MMRN1: variants seen among roughly 807,000 people sequenced by gnomAD.
MMRN1 encodes multimerin 1.
Under a neutral mutation model 100.7 loss-of-function variants are expected in MMRN1, and 94 were observed. The observed-to-expected ratio is 0.93, with a 90% CI of 0.79 to 1.11. The LOEUF (loss-of-function observed/expected upper bound fraction) is 1.11, where lower values mean the gene tolerates loss of function less well. Ranked by LOEUF, MMRN1 falls within the 50% of genes least tolerant of loss-of-function variation. MMRN1 has a pLI of 0.00. For missense variants in MMRN1, 1,606 were observed against 1,439.1 expected (o/e 1.12, Z -1.88); for synonymous variants, 575 against 505.0 (o/e 1.14, Z -1.86).
At chr4:89,897,589 C>A (rs1484665139) in intron 1 of MMRN1, among the ~76,000 whole-genome samples, 2 of 152,042 alleles carry the variant, frequency 1.3e-5, no homozygotes, top group Non-Finnish European at 2.9e-5. Flanking sequence ...ATTTTACATA[C>A]CATATAGAAA....
In MMRN1 at chr4:89,923,171, A is replaced by G. The variant is rs1463340683; in HGVS notation, c.854A>G (p.Gln285Arg). 1 of 1,613,598 alleles carries G rather than the reference A, an allele frequency of 6.2e-7. No individual in the cohort carries two copies. Residue 285 changes from glutamine to arginine, a missense_variant, in exon 4 of 8, where the codon CAG becomes CGG. Transcript: ENST00000264790. ...TTCTCTTTCTGCTTCCTTCTAGCCC[A>G]GGAACAGCAAAGTTTGATACACACC... Reference protein sequence around the residue: ...YSGPKCQLRAQEQQSLIHTNQ... With the variant: ...YSGPKCQLRAREQQSLIHTNQ...
chr4:89,935,414 C>A lies in MMRN1; in HGVS notation c.1734C>A (p.Thr578=). ...HIQESKINNL[T]VSLEMEKESL... Reference sequence around the variant, plus strand: ...AAGAAAGCAAGATTAACAATCTCACCGTCTCTTTGGAGATGGAGAAAGAGT... The same window carrying A: ...AAGAAAGCAAGATTAACAATCTCACAGTCTCTTTGGAGATGGAGAAAGAGT... Residue 578 remains threonine (T), a synonymous_variant, in exon 6 of 8, where the codon ACC becomes ACA. Transcript: ENST00000264790. 3 of 1,613,358 alleles carry A rather than the reference C, an allele frequency of 1.9e-6. No homozygotes were observed. In the South Asian group the frequency reaches 3.3e-5, roughly 18 times the overall value.
chr4:89,950,751 GTA>G (rs1723139693), intron 6 of MMRN1, among the ~76,000 whole-genome samples: 1 of 151,934 alleles, frequency 6.6e-6, no homozygotes, highest in Admixed American at 6.6e-5. Context: ...TAGAGATGGG[GTA>G]TCACTATGCT....
rs1221439460 is a variant in MMRN1, at chr4:89,905,249, G to A, written c.624-4027G>A. ...ATTTCATAATTTTGCCATTAGTAAT[G>A]GTCAAACAGTTAAGTTTTGTTTGGT... On this transcript the variant is annotated intron_variant, in intron 1 of 7. Coordinates refer to ENST00000264790, the MANE Select transcript of MMRN1 (RefSeq NM_007351.3). 2.6e-5 allele frequency among the ~76,000 whole-genome samples: 4 copies of A among 151,120 alleles called. No individual in the cohort carries two copies. The Admixed American group carries it at 2.6e-4, about 10-fold the overall frequency.
At chr4:89,896,640 A>G (rs534601271) in intron 1 of MMRN1, among the ~76,000 whole-genome samples, 4 of 152,170 alleles carry the variant, frequency 2.6e-5, no homozygotes, top group Non-Finnish European at 5.9e-5. Context: ...ATATCTTACT[A>G]ATAATAAAAT....
intron 5 of MMRN1, among the ~76,000 whole-genome samples, chr4:89,934,576 TTAGTATGTTC>T (rs1191235421): frequency 9.2e-5 from 14 of 152,174 alleles, no homozygotes; most frequent in African/African-American, 3.4e-4. Context: ...TTTTATGGTT[TTAGTATGTTC>T]TAGTATGTTC....
At chr4:89,911,164 A>G (rs753531608) in intron 2 of MMRN1, among the ~76,000 whole-genome samples, 8 of 151,484 alleles carry the variant, frequency 5.3e-5, no homozygotes, top group Non-Finnish European at 1.2e-4. Context: ...ATAAATAGCA[A>G]CTAAATATTA....
At chr4:89,939,591 T>C (rs1456442336) in intron 6 of MMRN1, among the ~76,000 whole-genome samples, 1 of 152,126 alleles carries the variant, frequency 6.6e-6, no homozygotes, top group Non-Finnish European at 1.5e-5. Context: ...AACTAAAGTA[T>C]CCTGCCTAAG....
At chr4:89,943,157 T>C (rs1722886607) in intron 6 of MMRN1, among the ~76,000 whole-genome samples, 1 of 152,176 alleles carries the variant, frequency 6.6e-6, no homozygotes, top group South Asian at 2.1e-4. Context: ...GCACATCTGA[T>C]GTGGACGTTA....
chr4:89,953,479 T>G lies in MMRN1; in HGVS notation c.*61T>G, dbSNP rs1333713238. 3 of 1,462,104 alleles carry G rather than the reference T, an allele frequency of 2.1e-6. No individual in the cohort carries two copies. Among genetic ancestry groups the G allele is most frequent in the Admixed American group, 2.3e-5 (1 of 42,764 alleles). The allele number at this position is 1,462,104 out of a possible 1,614,324, so 90.6% of individuals were successfully genotyped here. On this transcript the variant is annotated 3_prime_UTR_variant, in exon 8 of 8. Coordinates refer to ENST00000264790, the MANE Select transcript of MMRN1 (RefSeq NM_007351.3). The stretch of plus-strand genomic sequence containing the variant: ...AAACAGCCAGTGTTTTCATTTATCT[T>G]TGCTTGCACATCTGCTCTGTTTTGG...
intron 2 of MMRN1, 94 bp downstream of exon 2, chr4:89,909,489 C>A (rs965717182): frequency 1.4e-6 from 2 of 1,448,106 alleles, no homozygotes; most frequent in African/African-American, 1.4e-5. Flanking sequence ...GTACATAATA[C>A]ATAGTAGGGT....
chr4:89,899,886 CT>C (rs2110583857), intron 1 of MMRN1, among the ~76,000 whole-genome samples: 1 of 152,054 alleles, frequency 6.6e-6, no homozygotes, highest in African/African-American at 2.4e-5. Context: ...CTTCTTTCCA[CT>C]CTTGTCTACC....
At chr4:89,938,268 A>G (rs1245698606) in intron 6 of MMRN1, among the ~76,000 whole-genome samples, 1 of 151,498 alleles carries the variant, frequency 6.6e-6, no homozygotes, top group Non-Finnish European at 1.5e-5. Flanking sequence ...AGGAACATAG[A>G]AGAAACTATT....
rs755433946 is a variant in MMRN1 at position 89,895,520 on chromosome 4, C to A, written c.549C>A (p.Tyr183Ter). ...GVGNRAPRETYLSRGDSSSSQ... is the reference protein window; with the variant it reads ...GVGNRAPRET The stretch of plus-strand genomic sequence containing the variant: ...GAAATCGAGCCCCACGGGAAACATA[C>A]CTCAGCCGGGGTGACAGCAGTTCCA... The change falls in exon 1 of 8, where the codon TAC becomes TAA. Residue 183 changes from tyrosine to a stop codon, truncating the protein, a stop_gained. Coordinates refer to ENST00000264790, the MANE Select transcript of MMRN1 (RefSeq NM_007351.3). LOFTEE classifies it high-confidence loss of function. 6.2e-7 allele frequency: 1 copy of A among 1,613,772 alleles called. No individual in the cohort carries two copies. The highest frequency in any genetic ancestry group is 1.1e-5 in the South Asian group (1 of 91,082).
intron 3 of MMRN1, among the ~76,000 whole-genome samples, chr4:89,913,446 G>A (rs1251404110): frequency 3.3e-5 from 5 of 151,342 alleles, no homozygotes; most frequent in East Asian, 1.9e-4. Flanking sequence ...TTGTTGCTCC[G>A]TGCTTCAACC....
intron 1 of MMRN1, among the ~76,000 whole-genome samples, chr4:89,897,902 G>A (rs1031647270): frequency 6.6e-6 from 1 of 152,048 alleles, no homozygotes; most frequent in African/African-American, 2.4e-5. Context: ...AGATACTAAA[G>A]GTATAACTTG....
chr4:89,939,164 G>A (rs1260075093), intron 6 of MMRN1, among the ~76,000 whole-genome samples: 2 of 151,894 alleles, frequency 1.3e-5, no homozygotes, highest in Admixed American at 6.6e-5. Context: ...TTATACCAGG[G>A]GTGGGACACA....
At position 89,934,882 on chromosome 4, in the gene MMRN1, A is replaced by T. The variant is rs755967871; in HGVS notation, c.1202A>T (p.Asp401Val). ...VREQFKIFQNDMQETVAQLFK... is the reference protein window; with the variant it reads ...VREQFKIFQNVMQETVAQLFK... ...GAACAATTTAAAATTTTTCAAAATG[A>T]CATGCAAGAGACTGTAGCACAGCTC... Residue 401 changes from aspartate (D) to valine (V), a missense_variant, in exon 6 of 8, where the codon GAC becomes GTC. Coordinates refer to ENST00000264790, the MANE Select transcript of MMRN1 (RefSeq NM_007351.3). 6.3e-7 allele frequency: 1 copy of T among 1,594,168 alleles called. No homozygotes were observed. Among genetic ancestry groups the T allele is most frequent in the Non-Finnish European group, 8.5e-7 (1 of 1,174,284 alleles).
upstream of MMRN1, among the ~76,000 whole-genome samples, chr4:89,892,768 T>G (rs1721082894): frequency 6.6e-6 from 1 of 152,056 alleles, no homozygotes; most frequent in South Asian, 2.1e-4. Context: ...GTTTTTATTA[T>G]CATTGGATAA....
Sources: allele counts gnomAD v4.1 joint callset (sites outside exome capture counted in the v4.1 genomes callset), GRCh38; gene constraint gnomAD v4.1.1; transcripts MANE v1.5; gene names NCBI Gene and HGNC (gene_info 2026-07-23, HGNC 2026-07-21).